APBA1: variants seen among roughly 807,000 people sequenced by gnomAD.
APBA1 encodes the protein amyloid-beta A4 precursor protein-binding family A member 1.
APBA1 carries 55 observed loss-of-function variants against 86.6 expected under a neutral mutation model. The ratio of observed to expected loss-of-function variants is 0.64; its 90% CI spans 0.51 to 0.80. The LOEUF is 0.80. Ranked by LOEUF, APBA1 falls within the 30% of genes least tolerant of loss-of-function variation. The pLI is 0.00. For missense variants in APBA1, 1,090 were observed against 1,183.0 expected (o/e 0.92, Z 1.15); for synonymous variants, 511 against 493.9 (o/e 1.03, Z -0.46).
intron 1 of APBA1, among the ~76,000 whole-genome samples, chr9:69,615,267 A>G (rs1209391573): frequency 6.6e-6 from 1 of 152,226 alleles, no homozygotes; most frequent in Non-Finnish European, 1.5e-5. Context: ...TATAAAGTAT[A>G]TTTTTGTAAA....
chr9:69,616,200 C>G (rs894437320), intron 1 of APBA1, among the ~76,000 whole-genome samples: 1 of 152,196 alleles, frequency 6.6e-6, no homozygotes, highest in Non-Finnish European at 1.5e-5. Flanking sequence ...TCAACCCAAT[C>G]ATAGAATACC....
chr9:69,577,622 T>G (rs1821829861), intron 1 of APBA1, among the ~76,000 whole-genome samples: 1 of 152,074 alleles, frequency 6.6e-6, no homozygotes, highest in South Asian at 2.1e-4. Flanking sequence ...GAGGGAAATG[T>G]TACTCAAATA....
intron 1 of APBA1, among the ~76,000 whole-genome samples, chr9:69,567,239 T>C (rs915733190): frequency 1.3e-5 from 2 of 152,132 alleles, no homozygotes; most frequent in African/African-American, 2.4e-5. Context: ...GGCAGACACC[T>C]GCCAGAGAGA....
intron 2 of APBA1, among the ~76,000 whole-genome samples, chr9:69,515,097 C>T (rs1836113974): frequency 6.6e-6 from 1 of 152,158 alleles, no homozygotes; most frequent in Non-Finnish European, 1.5e-5. Context: ...TTGAACTTTA[C>T]CTGAGAACCA....
intron 1 of APBA1, among the ~76,000 whole-genome samples, chr9:69,543,629 A>C (rs1220472065): frequency 1.3e-5 from 2 of 152,130 alleles, no homozygotes; most frequent in African/African-American, 4.8e-5. Context: ...TAACCCTTAT[A>C]AGAACTCTAG....
chr9:69,641,298 A>G lies in APBA1; in HGVS notation c.-70+30855T>C, dbSNP rs554197778. Among the ~76,000 whole-genome samples the G allele has an allele frequency of 5.3e-5, 8 of 152,328 alleles. No individual in the cohort carries two copies. The South Asian group carries it at 1.5e-3, about 28-fold the overall frequency. On this transcript the variant is annotated intron_variant, in intron 1 of 12. Coordinates refer to ENST00000265381, the MANE Select transcript of APBA1 (RefSeq NM_001163.4). ...AGATATACCATGTTCATGGGTTGGA[A>G]AATTCAGTATTATTAAGGCATCAAT...
At chr9:69,491,944 T>C (rs1340230262) in intron 2 of APBA1, among the ~76,000 whole-genome samples, 1 of 151,878 alleles carries the variant, frequency 6.6e-6, no homozygotes, top group East Asian at 1.9e-4. Context: ...TTTGTATTTT[T>C]AGTAGAGATG....
intron 1 of APBA1, among the ~76,000 whole-genome samples, chr9:69,565,540 C>T (rs968417577): frequency 1.3e-5 from 2 of 152,154 alleles, no homozygotes; most frequent in African/African-American, 4.8e-5. Flanking sequence ...CCCACACTGC[C>T]CACAAATGAG....
At chr9:69,548,735 C>T (rs1476605599) in intron 1 of APBA1, among the ~76,000 whole-genome samples, 1 of 152,230 alleles carries the variant, frequency 6.6e-6, no homozygotes, top group African/African-American at 2.4e-5. Flanking sequence ...CATTTGGTCA[C>T]ACATGCCCTC....
chr9:69,552,086 A>G (rs2133929385), intron 1 of APBA1, among the ~76,000 whole-genome samples: 1 of 152,354 alleles, frequency 6.6e-6, no homozygotes, highest in East Asian at 1.9e-4. Flanking sequence ...AAGTGTTGGG[A>G]ATATGGCTGG....
intron 1 of APBA1, among the ~76,000 whole-genome samples, chr9:69,549,858 T>C (rs1836757377): frequency 6.6e-6 from 1 of 152,238 alleles, no homozygotes; most frequent in Non-Finnish European, 1.5e-5. Flanking sequence ...TCTAACTTAT[T>C]TCCCAGGATT....
intron 1 of APBA1, among the ~76,000 whole-genome samples, chr9:69,591,210 C>T (rs1055915552): frequency 2.6e-5 from 4 of 152,188 alleles, no homozygotes; most frequent in South Asian, 2.1e-4. Flanking sequence ...TGCATTTCCC[C>T]CTCTCTCCAG....
chr9:69,521,185 C>T (rs999786045), intron 1 of APBA1, among the ~76,000 whole-genome samples: 1 of 152,156 alleles, frequency 6.6e-6, no homozygotes, highest in Non-Finnish European at 1.5e-5. Context: ...GGCCCCCTGA[C>T]ATTTGATCTT....
intron 1 of APBA1, among the ~76,000 whole-genome samples, chr9:69,523,347 T>TCA (rs1379583700): frequency 2.0e-5 from 3 of 151,472 alleles, no homozygotes; most frequent in Non-Finnish European, 1.5e-5. Flanking sequence ...GCAAAAGGCA[T>TCA]CATACCATCT....
At chr9:69,456,473 T>A (rs1481353148) in intron 7 of APBA1, 41 bp from the exon 8 acceptor site, 1 of 1,530,294 alleles carries the variant, frequency 6.5e-7, no homozygotes, top group South Asian at 1.3e-5. Flanking sequence ...CAGCTCAGCA[T>A]CTAATGACCT....
chr9:69,550,039 C>CCA, intron 1 of APBA1, among the ~76,000 whole-genome samples: 1 of 152,154 alleles, frequency 6.6e-6, no homozygotes, highest in Admixed American at 6.6e-5. Context: ...AATACCAGTT[C>CCA]CACTTAACTT....
At chr9:69,611,285 G>GAAAAAAAAAAAAAA (rs56357426) in intron 1 of APBA1, among the ~76,000 whole-genome samples, 51 of 111,798 alleles carry the variant, frequency 4.6e-4, no homozygotes, top group East Asian at 9.0e-4. Flanking sequence ...ACCAGAAAAG[G>GAAAAAAAAAAAAAA]AAAAAAAAAA....
intron 9 of APBA1, among the ~76,000 whole-genome samples, chr9:69,451,514 C>A (rs1305861309): frequency 6.6e-6 from 1 of 152,216 alleles, no homozygotes; most frequent in Non-Finnish European, 1.5e-5. Flanking sequence ...CCTGCTCTAG[C>A]CAAACCGTAT....
chr9:69,620,066 C>G (rs917097489), intron 1 of APBA1, among the ~76,000 whole-genome samples: 8 of 152,250 alleles, frequency 5.3e-5, no homozygotes, highest in African/African-American at 1.7e-4. Context: ...ACATCTTGGT[C>G]TCAAAGCCCT....
Sources: allele counts gnomAD v4.1 joint callset (sites outside exome capture counted in the v4.1 genomes callset), GRCh38; gene constraint gnomAD v4.1.1; transcripts MANE v1.5; gene names NCBI Gene and HGNC (gene_info 2026-07-23, HGNC 2026-07-21).